The following CABLES2 variants were observed in gnomAD, a reference collection of about 807,000 sequenced individuals.
CABLES2 encodes CDK5 and ABL1 enzyme substrate 2.
Under a neutral mutation model 44.8 loss-of-function variants are expected in CABLES2, and 35 were observed. That is an observed-to-expected ratio of 0.78 (90% CI 0.60 to 1.04). CABLES2 has a LOEUF of 1.04. CABLES2 is among the 50% of genes least tolerant of loss of function. CABLES2 has a pLI of 0.00. For synonymous variants in CABLES2, 282 were observed against 281.1 expected, an observed-to-expected ratio of 1.00 and a Z score of -0.03; for missense variants, 566 against 615.7, an observed-to-expected ratio of 0.92 and a Z score of 0.85.
intron 4 of CABLES2, 59 bp from the exon 5 acceptor site, chr20:62,394,324 C>A: frequency 2.8e-6 from 4 of 1,405,844 alleles, no homozygotes; most frequent in Non-Finnish European, 4.0e-6. Context: ...CTCTGGCAGC[C>A]CAGCCCACCT....
Position 62,389,928 on chromosome 20 carries a change from A to C in CABLES2, c.*1043T>G, listed in dbSNP as rs1180902481. On this transcript the variant is annotated 3_prime_UTR_variant, in exon 10 of 10. Coordinates refer to ENST00000279101, the MANE Select transcript of CABLES2 (RefSeq NM_031215.3). ...CAAGATGGCACCTGTTTCCTGCCTCAGAAGAAAAGGCACTGACGCACTGAC... is the reference window on the plus strand; with the variant it reads ...CAAGATGGCACCTGTTTCCTGCCTCCGAAGAAAAGGCACTGACGCACTGAC... 6.6e-6 allele frequency: 1 copy of C among 152,220 alleles called. No individual in the cohort carries two copies. The highest frequency in any genetic ancestry group is 1.5e-5 in the Non-Finnish European group (1 of 68,052). The allele number at this position is 152,220 out of a possible 1,614,324, so 9.4% of individuals were successfully genotyped here.
intron 1 of CABLES2, chr20:62,404,569 C>G (rs1380425555): frequency 6.6e-6 from 1 of 152,354 alleles, no homozygotes; most frequent in East Asian, 1.9e-4. Context: ...CAGCCAGGCC[C>G]AGGGAACGCA....
At chr20:62,400,993 G>A (rs1988177829) in intron 1 of CABLES2, among the ~76,000 whole-genome samples, 1 of 152,182 alleles carries the variant, frequency 6.6e-6, no homozygotes, top group Non-Finnish European at 1.5e-5. Flanking sequence ...TTCATGGGTG[G>A]GTAAATTGAG....
Position 62,388,763 on chromosome 20 carries a change from C to A in CABLES2, c.*2208G>T, listed in dbSNP as rs960540021. On this transcript the variant is annotated 3_prime_UTR_variant, in exon 10 of 10. Coordinates refer to ENST00000279101, the MANE Select transcript of CABLES2 (RefSeq NM_031215.3). The stretch of plus-strand genomic sequence containing the variant: ...CTGACATCCACAACTGCTACCGGTG[C>A]GGAAGCAACGCCAGGCCTGGTTCTG... 29 of 477,446 alleles carry A rather than the reference C, an allele frequency of 6.1e-5. No homozygotes were observed. Among genetic ancestry groups the A allele is most frequent in the Non-Finnish European group, 1.0e-4 (27 of 265,928 alleles). 29.6% of individuals were successfully genotyped at this position (477,446 alleles called of 1,614,324 possible).
Position 62,391,460 on chromosome 20 carries a change from G to A in CABLES2, c.1092-7C>T, listed in dbSNP as rs372723063. 3 of 1,612,260 alleles carry A rather than the reference G, an allele frequency of 1.9e-6. No homozygotes were observed. Among genetic ancestry groups the A allele is most frequent in the South Asian group, 1.1e-5 (1 of 91,078 alleles). On this transcript the variant is annotated splice_polypyrimidine_tract_variant and splice_region_variant and intron_variant, in intron 8 of 9. Transcript: ENST00000279101. The surrounding 1 kb of genome is among the most constrained non-coding windows in gnomAD (Gnocchi z 5.7). ...CCGCATCTCCCGCTTTAAGCTGTGG[G>A]TTAAGACAGAAGCCATGTCCCTGGG...
chr20:62,397,941 G>GCGGTGGTGGTGATGGTGA, intron 1 of CABLES2, among the ~76,000 whole-genome samples: 1 of 136,008 alleles, frequency 7.4e-6, no homozygotes. Flanking sequence ...GGTGGTGATG[G>GCGGTGGTGGTGATGGTGA]TGGTGACGGT....
chr20:62,398,121 G>GA (rs1481477351), intron 1 of CABLES2, among the ~76,000 whole-genome samples: 1 of 82,418 alleles, frequency 1.2e-5, no homozygotes, highest in African/African-American at 6.3e-5. Flanking sequence ...GGTGGTGGTG[G>GA]TGGTTATGAC....
rs1988105091 is a variant in CABLES2, at chr20:62,398,182, TGG to T, written c.363-1592_363-1591del. ...ACGGTGATGGTGGTAATGGTGGTGG[TGG>T]TGATGGTGATGATGGTGGTGATGGT... is the stretch of plus-strand genomic sequence containing the variant. On this transcript the variant is annotated intron_variant, in intron 1 of 9. Coordinates refer to ENST00000279101, the MANE Select transcript of CABLES2 (RefSeq NM_031215.3). Among the ~76,000 whole-genome samples, 6 of 89,176 alleles carry T rather than the reference TGG, an allele frequency of 6.7e-5. No homozygotes were observed. In the East Asian group the frequency reaches 9.7e-4, roughly 14 times the overall value. The allele number at this position is 89,176 out of a possible 152,430, so 58.5% of individuals were successfully genotyped here.
rs1040532556 is a variant in CABLES2 at position 62,391,187 on chromosome 20, A to C, written c.1296+62T>G. ...TTTCCCACCCGGCCAGCCCCATCCCAGCAGTGGCCCTGGCTCGATGTCATG... is the reference window on the plus strand; with the variant it reads ...TTTCCCACCCGGCCAGCCCCATCCCCGCAGTGGCCCTGGCTCGATGTCATG... On this transcript the variant is annotated intron_variant, in intron 9 of 9. Coordinates refer to ENST00000279101, the MANE Select transcript of CABLES2 (RefSeq NM_031215.3). This position sits in a 1 kb window ranked among gnomAD's most constrained non-coding sequence, Gnocchi z 5.7. The C allele has an allele frequency of 1.3e-5, 21 of 1,603,670 alleles. No individual in the cohort carries two copies. In the African/African-American group the frequency reaches 2.7e-4, roughly 20 times the overall value.
Position 62,391,400 on chromosome 20 carries a change from G to T in CABLES2, c.1145C>A (p.Thr382Lys). The change falls in exon 9 of 10, where the codon ACG becomes AAG. Residue 382 changes from threonine to lysine, a missense_variant. This residue lies in a region of CABLES2 where 436 missense variants were observed against 536.3 expected (regional missense o/e 0.81). Coordinates refer to ENST00000279101, the MANE Select transcript of CABLES2 (RefSeq NM_031215.3). The surrounding 1 kb of genome is among the most constrained non-coding windows in gnomAD (Gnocchi z 5.7). Reference protein sequence around the residue: ...LSEECSLEPVTVAMAYVYFEK... With the variant: ...LSEECSLEPVKVAMAYVYFEK... The stretch of plus-strand genomic sequence containing the variant: ...AAAGTACACGTAGGCCATGGCCACC[G>T]TCACGGGCTCCAGGCTGCACTCCTC... 6.2e-7 allele frequency: 1 copy of T among 1,613,344 alleles called. No individual in the cohort carries two copies. The highest frequency in any genetic ancestry group is 8.5e-7 in the Non-Finnish European group (1 of 1,180,016).
chr20:62,392,799 C>G, intron 7 of CABLES2, 121 bp downstream of exon 7: 1 of 867,124 alleles, frequency 1.2e-6, no homozygotes, highest in Non-Finnish European at 1.9e-6. Context: ...TGTGCTGCTG[C>G]GATCCGGGAT....
intron 1 of CABLES2, chr20:62,402,248 A>G (rs904454350): frequency 2.0e-5 from 3 of 152,242 alleles, no homozygotes; most frequent in Admixed American, 2.0e-4. Context: ...GAAATCTGCT[A>G]TTTATTAAAC....
chr20:62,401,359 C>T (rs1399024922), intron 1 of CABLES2, among the ~76,000 whole-genome samples: 1 of 152,186 alleles, frequency 6.6e-6, no homozygotes, highest in Non-Finnish European at 1.5e-5. Context: ...GCTTCCCTTC[C>T]AGAACCAGGG....
intron 6 of CABLES2, 102 bp from the exon 7 acceptor site, chr20:62,393,125 G>T: frequency 9.7e-7 from 1 of 1,033,934 alleles, no homozygotes; most frequent in Non-Finnish European, 1.5e-6. Flanking sequence ...GGCCGAGCAG[G>T]GGAGGGGCTC....
intron 7 of CABLES2, among the ~76,000 whole-genome samples, 180 bp downstream of exon 7, chr20:62,392,740 T>G (rs546338079): frequency 1.3e-5 from 2 of 152,188 alleles, no homozygotes; most frequent in Admixed American, 1.3e-4. Flanking sequence ...GGACCCCAGC[T>G]GGAGTGGCCA....
At chr20:62,398,080 T>TGAA in intron 1 of CABLES2, among the ~76,000 whole-genome samples, 1 of 117,030 alleles carries the variant, frequency 8.5e-6, no homozygotes, top group African/African-American at 3.5e-5. Context: ...ACGGTGGTGG[T>TGAA]GGTGGTGACG....
intron 1 of CABLES2, among the ~76,000 whole-genome samples, chr20:62,398,025 GTGGTGACAGTGATGGTGA>G (rs1988072538): frequency 1.4e-5 from 2 of 146,072 alleles, no homozygotes; most frequent in South Asian, 2.1e-4. Flanking sequence ...GGTGGTGGTG[GTGGTGACAGTGATGGTGA>G]TGGTGGTGAT....
Position 62,391,305 on chromosome 20 carries a change from G to A in CABLES2, c.1240C>T (p.Leu414=). 6.2e-7 allele frequency: 1 copy of A among 1,613,092 alleles called. No individual in the cohort carries two copies. Among genetic ancestry groups the A allele is most frequent in the South Asian group, 1.1e-5 (1 of 91,090 alleles). Residue 414 remains leucine, a synonymous_variant, in exon 9 of 10, where the codon CTG becomes TTG. Coordinates refer to ENST00000279101, the MANE Select transcript of CABLES2 (RefSeq NM_031215.3). The surrounding 1 kb of genome is among the most constrained non-coding windows in gnomAD (Gnocchi z 5.7). ...AGGTCACTGCTGATCTTGGCAGCCA[G>A]CAGCACGCAGGCGCCAGCGCACAGC... ...RKLCAGACVL[L]AAKISSDLRK...
intron 1 of CABLES2, among the ~76,000 whole-genome samples, chr20:62,398,109 G>GTGGTGATGGTGGTGGTGGTGGTGGTGA (rs1555890781): frequency 2.9e-5 from 3 of 104,906 alleles, no homozygotes; most frequent in Admixed American, 2.1e-4. Context: ...GGTGGTGATG[G>GTGGTGATGGTGGTGGTGGTGGTGGTGA]TGGTGGTGGT....
Sources: allele counts gnomAD v4.1 joint callset (sites outside exome capture counted in the v4.1 genomes callset), GRCh38; gene constraint gnomAD v4.1.1; regional missense constraint gnomAD v4.1.1; non-coding constraint Gnocchi (gnomAD v3.1); transcripts MANE v1.5; gene names NCBI Gene and HGNC (gene_info 2026-07-23, HGNC 2026-07-21).